Variants in TTC21B observed in about 807,000 individuals in gnomAD.
The protein encoded by TTC21B is tetratricopeptide repeat domain 21B.
In TTC21B, 127 loss-of-function variants were observed where a neutral mutation model predicts 175.1. The ratio of observed to expected loss-of-function variants is 0.73; its 90% confidence interval spans 0.63 to 0.84. The LOEUF is 0.84. Ranked by LOEUF, TTC21B falls within the 40% of genes least tolerant of loss-of-function variation. TTC21B has a pLI of 0.00. For synonymous variants in TTC21B, 524 were observed against 524.5 expected, an observed-to-expected ratio of 1.00 and a Z score of 0.01; for missense variants, 1,561 against 1,558.3, an observed-to-expected ratio of 1.00 and a Z score of -0.03.
At chr2:165,948,262 A>C (rs889484952) in intron 3 of TTC21B, 7 of 151,896 alleles carry the variant, frequency 4.6e-5, no homozygotes, top group Admixed American at 3.9e-4. Flanking sequence ...TTATAAACTC[A>C]TGTTTCATTT....
intron 22 of TTC21B, among the ~76,000 whole-genome samples, chr2:165,896,286 T>C (rs1300337532): frequency 6.6e-6 from 1 of 152,140 alleles, no homozygotes; most frequent in Non-Finnish European, 1.5e-5. Flanking sequence ...CTCTTTCTTT[T>C]TCTCTTTCCT....
intron 19 of TTC21B, among the ~76,000 whole-genome samples, chr2:165,906,900 A>G (rs1280299801): frequency 6.8e-6 from 1 of 146,376 alleles, no homozygotes; most frequent in African/African-American, 2.5e-5. Flanking sequence ...GGTTGCAGTG[A>G]GCTGAGATCA....
chr2:165,894,249 TTC>T (rs888018263), intron 22 of TTC21B, among the ~76,000 whole-genome samples: 7 of 152,280 alleles, frequency 4.6e-5, no homozygotes, highest in Non-Finnish European at 8.8e-5. Flanking sequence ...GATCTGGAGA[TTC>T]TGAGAGAGAA....
intron 15 of TTC21B, among the ~76,000 whole-genome samples, chr2:165,914,655 ATCTGTGTGTG>A (rs1477896192): frequency 2.5e-4 from 19 of 75,682 alleles, no homozygotes; most frequent in Non-Finnish European, 3.2e-4. Context: ...AGGAAGAGCA[ATCTGTGTGTG>A]TGTGTGTGTG....
chr2:165,933,336 T>C (rs1168489820), intron 6 of TTC21B, among the ~76,000 whole-genome samples: 1 of 152,160 alleles, frequency 6.6e-6, no homozygotes, highest in Non-Finnish European at 1.5e-5. Context: ...TAGCTAACTA[T>C]ATACAACAGT....
chr2:165,911,296 G>C, intron 18 of TTC21B, 31 bp downstream of exon 18: 1 of 1,613,022 alleles, frequency 6.2e-7, no homozygotes, highest in Non-Finnish European at 8.5e-7. Flanking sequence ...AGAGTTATCA[G>C]ACTTTTTTCA....
chr2:165,892,747 C>A (rs1444272092), intron 22 of TTC21B, among the ~76,000 whole-genome samples: 1 of 152,130 alleles, frequency 6.6e-6, no homozygotes, highest in Non-Finnish European at 1.5e-5. Flanking sequence ...GGTGTACAGA[C>A]TTCAGTTTGG....
Position 165,901,902 on chromosome 2 carries a change from T to C in TTC21B, c.2577A>G (p.Glu859=). The stretch of plus-strand genomic sequence containing the variant: ...CACGTTTTAGTACCCGAGCTTGTAA[T>C]TCTCGAGCCTAGAAAAAATCAGTAT... ...DAITALQQAR[E]LQARVLKRVQ... Residue 859 remains glutamate (E), a synonymous_variant, in exon 20 of 29, where the codon GAA becomes GAG. Transcript: ENST00000243344. 1.9e-6 allele frequency: 3 copies of C among 1,613,658 alleles called. No homozygotes were observed. The highest frequency in any genetic ancestry group is 2.5e-6 in the Non-Finnish European group (3 of 1,179,880).
chr2:165,894,341 T>C (rs4355136), intron 22 of TTC21B, among the ~76,000 whole-genome samples: 146,587 of 152,178 alleles, frequency 0.96, 70,834 homozygotes, highest in South Asian at 1. Flanking sequence ...CAAATTTGTA[T>C]GGTACATTTC....
chr2:165,923,313 A>G (rs1303291279), intron 12 of TTC21B, among the ~76,000 whole-genome samples: 1 of 152,132 alleles, frequency 6.6e-6, no homozygotes, highest in Non-Finnish European at 1.5e-5. Flanking sequence ...ACTCCATTAT[A>G]TTACAGGAAA....
chr2:165,933,014 G>C lies in TTC21B; in HGVS notation c.754C>G (p.Gln252Glu), dbSNP rs369873335. Residue 252 changes from glutamine to glutamate, a missense_variant, in exon 7 of 29, where the codon CAG becomes GAG. Transcript: ENST00000243344. ...TCTCTACACACATAGTAGAGTGCCT[G>C]CATTCTCAGTGCTTCCACATTTTGG... is the stretch of plus-strand genomic sequence containing the variant. ...DSQNVEALRM[Q>E]ALYYVCREGD... The C allele has an allele frequency of 6.2e-7, 1 of 1,612,798 alleles. No individual in the cohort carries two copies. The highest frequency in any genetic ancestry group is 8.5e-7 in the Non-Finnish European group (1 of 1,179,510).
At position 165,899,868 on chromosome 2, in the gene TTC21B, G is replaced by T. The variant is rs770383627; in HGVS notation, c.2770C>A (p.Leu924Met). ...CETDNKIMLELARLYLAQDDP... is the reference protein window; with the variant it reads ...CETDNKIMLEMARLYLAQDDP... ...TCTTGTGCCAGGTATAATCGTGCCAGTTCCAACATAATCTGTAGAGCAAAG... is the reference window on the plus strand; with the variant it reads ...TCTTGTGCCAGGTATAATCGTGCCATTTCCAACATAATCTGTAGAGCAAAG... The change falls in exon 21 of 29, where the codon CTG becomes ATG. Residue 924 changes from leucine (L) to methionine (M), a missense_variant. Physicochemically the swap from Leu to Met is conservative, Grantham distance 15. Coordinates refer to ENST00000243344, the MANE Select transcript of TTC21B (RefSeq NM_024753.5). 3.7e-6 allele frequency: 6 copies of T among 1,610,834 alleles called. No individual in the cohort carries two copies. In the South Asian group the frequency reaches 6.6e-5, roughly 18 times the overall value.
At chr2:165,922,784 G>T (rs1686465382) in intron 12 of TTC21B, among the ~76,000 whole-genome samples, 1 of 152,206 alleles carries the variant, frequency 6.6e-6, no homozygotes, top group Admixed American at 6.5e-5. Context: ...ACCTGCATGT[G>T]TATGTTTCTT....
intron 6 of TTC21B, among the ~76,000 whole-genome samples, chr2:165,937,630 T>C (rs1216997505): frequency 6.6e-6 from 1 of 152,074 alleles, no homozygotes; most frequent in Non-Finnish European, 1.5e-5. Context: ...AACAGTTTGG[T>C]GTATCTATGT....
Position 165,901,743 on chromosome 2 carries a change from A to C in TTC21B, c.2736T>G (p.Val912=). The C allele has an allele frequency of 1.2e-6, 2 of 1,614,152 alleles. No individual in the cohort carries two copies. Among genetic ancestry groups the C allele is most frequent in the South Asian group, 2.2e-5 (2 of 91,088 alleles). Residue 912 remains valine (V), a synonymous_variant, in exon 20 of 29, where the codon GTT becomes GTG. Coordinates refer to ENST00000243344, the MANE Select transcript of TTC21B (RefSeq NM_024753.5). ...TGACCTTATTATCTGTTTCGCAGTG[A>C]ACCAGAGCCTCTCTATAAAACTTAA... ...KAIKFYREAL[V]HCETDNKIML...
At chr2:165,878,680 A>G (rs888176424) in intron 27 of TTC21B, among the ~76,000 whole-genome samples, 1 of 130,926 alleles carries the variant, frequency 7.6e-6, no homozygotes, top group African/African-American at 2.9e-5. Flanking sequence ...CATGAGCACG[A>G]TTTTTTTTTT....
intron 15 of TTC21B, 130 bp from the exon 16 acceptor site, chr2:165,913,776 C>T (rs1441701101): frequency 1.4e-6 from 1 of 721,852 alleles, no homozygotes; most frequent in Non-Finnish European, 2.4e-6. Context: ...ATATACCCAA[C>T]AGTGTAATAT....
chr2:165,932,522 A>G (rs979600838), intron 7 of TTC21B, among the ~76,000 whole-genome samples: 2 of 152,142 alleles, frequency 1.3e-5, no homozygotes. Context: ...ACAGAAACAG[A>G]TGTGCTTTAT....
At chr2:165,876,367 T>C in intron 27 of TTC21B, 135 bp from the exon 28 acceptor site, 3 of 668,808 alleles carry the variant, frequency 4.5e-6, no homozygotes, top group Admixed American at 2.3e-5. Context: ...AACTACGCTA[T>C]ACAGAGAAGT....
Sources: gnomAD v4.1 joint callset for allele counts (sites outside exome capture counted in the v4.1 genomes callset) on GRCh38, gnomAD v4.1.1 for gene constraint, MANE v1.5 for transcripts, NCBI Gene and HGNC (gene_info 2026-07-23, HGNC 2026-07-21) for gene names.